The following SGCZ variants were observed in gnomAD, a reference collection of about 807,000 sequenced individuals.
SGCZ encodes the protein sarcoglycan zeta, also known as zeta-sarcoglycan.
Under a neutral mutation model 41.3 loss-of-function variants are expected in SGCZ, and 40 were observed. That is an observed-to-expected ratio of 0.97 (90% CI 0.75 to 1.26). The LOEUF (loss-of-function observed/expected upper bound fraction) is 1.26, where lower values mean the gene tolerates loss of function less well. Ranked by LOEUF, SGCZ falls within the 50% of genes most tolerant of loss-of-function variation. The probability of loss-of-function intolerance (pLI) is 0.00; values close to 1 mark genes in which losing one functional copy is unlikely to be tolerated. For missense variants in SGCZ, 552 were observed against 369.8 expected, an observed-to-expected ratio of 1.49 and a Z score of -4.04; for synonymous variants, 206 against 137.5, an observed-to-expected ratio of 1.50 and a Z score of -3.49.
At chr8:14,406,991 C>G (rs1195340178) in intron 2 of SGCZ, among the ~76,000 whole-genome samples, 1 of 151,572 alleles carries the variant, frequency 6.6e-6, no homozygotes, top group East Asian at 1.9e-4. Flanking sequence ...AGGACTAAGC[C>G]TTGATTTTGG....
At chr8:14,926,644 G>T (rs28555273) in intron 1 of SGCZ, among the ~76,000 whole-genome samples, 18,398 of 150,528 alleles carry the variant, frequency 0.12, 1,251 homozygotes, top group African/African-American at 0.19. Flanking sequence ...CGTGTGTGTG[G>T]TTTTTTTTTG....
At chr8:14,831,659 TAC>T (rs890532693) in intron 1 of SGCZ, among the ~76,000 whole-genome samples, 5 of 151,398 alleles carry the variant, frequency 3.3e-5, no homozygotes, top group African/African-American at 7.3e-5. Context: ...TATATATATA[TAC>T]ATACACTTGT....
chr8:14,847,961 A>T (rs1014920042), intron 1 of SGCZ, among the ~76,000 whole-genome samples: 1 of 152,116 alleles, frequency 6.6e-6, no homozygotes, highest in South Asian at 2.1e-4. Flanking sequence ...GTCATTATTC[A>T]TAGACAACAT....
At chr8:14,951,807 A>T (rs980235278) in intron 1 of SGCZ, among the ~76,000 whole-genome samples, 1 of 152,070 alleles carries the variant, frequency 6.6e-6, no homozygotes, top group African/African-American at 2.4e-5. Flanking sequence ...ATATTATTAA[A>T]CCCATAAATT....
At chr8:14,314,663 T>G (rs1801656658) in intron 3 of SGCZ, among the ~76,000 whole-genome samples, 1 of 152,160 alleles carries the variant, frequency 6.6e-6, no homozygotes, top group Non-Finnish European at 1.5e-5. Flanking sequence ...TTTCAGTGTT[T>G]TCATCAGTGG....
chr8:14,830,146 A>G (rs1802477608), intron 1 of SGCZ, among the ~76,000 whole-genome samples: 1 of 152,140 alleles, frequency 6.6e-6, no homozygotes, highest in South Asian at 2.1e-4. Flanking sequence ...GTTGAATTTC[A>G]GTTGTAAAAA....
intron 1 of SGCZ, among the ~76,000 whole-genome samples, chr8:14,643,868 G>A (rs1216378462): frequency 6.6e-6 from 1 of 151,566 alleles, no homozygotes; most frequent in East Asian, 1.9e-4. Context: ...AATAAATTAA[G>A]ATAAAGTTAT....
intron 1 of SGCZ, among the ~76,000 whole-genome samples, chr8:14,713,361 C>A (rs1250236312): frequency 6.6e-6 from 1 of 152,088 alleles, no homozygotes; most frequent in Admixed American, 6.6e-5. Context: ...ATCACTATTA[C>A]TATAATTTGT....
intron 4 of SGCZ, among the ~76,000 whole-genome samples, chr8:14,172,893 A>G (rs569093445): frequency 6.6e-6 from 1 of 152,226 alleles, no homozygotes; most frequent in South Asian, 2.1e-4. Context: ...ACAGGATGAT[A>G]CCATATGATA....
chr8:15,084,578 C>T (rs535506465), intron 1 of SGCZ, among the ~76,000 whole-genome samples: 2 of 152,166 alleles, frequency 1.3e-5, no homozygotes, highest in African/African-American at 2.4e-5. Context: ...ATGGTGAAAC[C>T]CTGTCTCCAC....
chr8:14,800,030 T>C (rs1313456664), intron 1 of SGCZ, among the ~76,000 whole-genome samples: 2 of 152,236 alleles, frequency 1.3e-5, no homozygotes, highest in Non-Finnish European at 1.5e-5. Flanking sequence ...AACCACTGTT[T>C]TGCACAGAGG....
intron 1 of SGCZ, among the ~76,000 whole-genome samples, chr8:14,669,520 T>C (rs1374739445): frequency 6.6e-6 from 1 of 152,172 alleles, no homozygotes; most frequent in African/African-American, 2.4e-5. Flanking sequence ...TTCTACTCTC[T>C]ATTTCTATGA....
intron 1 of SGCZ, among the ~76,000 whole-genome samples, chr8:14,685,510 C>T (rs1280258262): frequency 2.6e-5 from 4 of 152,024 alleles, no homozygotes; most frequent in African/African-American, 7.2e-5. Context: ...TTACAACATA[C>T]TTTGGTTAAT....
At chr8:14,764,584 A>G (rs919526324) in intron 1 of SGCZ, among the ~76,000 whole-genome samples, 1 of 152,160 alleles carries the variant, frequency 6.6e-6, no homozygotes, top group Non-Finnish European at 1.5e-5. Flanking sequence ...ATATTTTACA[A>G]GGTAATTGGT....
chr8:14,650,545 C>T (rs1807364123), intron 1 of SGCZ, among the ~76,000 whole-genome samples: 1 of 151,906 alleles, frequency 6.6e-6, no homozygotes, highest in African/African-American at 2.4e-5. Flanking sequence ...TCTGCTGTTT[C>T]CCTCTTTGTG....
Position 14,416,664 on chromosome 8 carries a change from A to G in SGCZ, c.235-92460T>C, listed in dbSNP as rs545593881. On this transcript the variant is annotated intron_variant, in intron 2 of 7. Transcript: ENST00000382080. ...ACCATCTCCTTACTTGGATTCAGAA[A>G]TAAAGTTCTGTGTTTTATGTTAGAA... Among the ~76,000 whole-genome samples, 9 of 152,044 alleles carry G rather than the reference A, an allele frequency of 5.9e-5. No individual in the cohort carries two copies. In the South Asian group the frequency reaches 1.4e-3, roughly 24 times the overall value.
At chr8:14,753,007 A>G (rs1200718596) in intron 1 of SGCZ, among the ~76,000 whole-genome samples, 1 of 151,856 alleles carries the variant, frequency 6.6e-6, no homozygotes, top group African/African-American at 2.4e-5. Context: ...TTTTCATTCT[A>G]TGGAAACTCT....
At chr8:14,126,689 G>A (rs1197713321) in intron 5 of SGCZ, among the ~76,000 whole-genome samples, 1 of 152,122 alleles carries the variant, frequency 6.6e-6, no homozygotes, top group African/African-American at 2.4e-5. Context: ...ACACACGTAT[G>A]TTTACTGCAA....
At chr8:14,948,066 C>T (rs1585403754) in intron 1 of SGCZ, among the ~76,000 whole-genome samples, 1 of 152,282 alleles carries the variant, frequency 6.6e-6, no homozygotes, top group East Asian at 1.9e-4. Flanking sequence ...GAAGCTTCCA[C>T]AGACCATAGG....
Sources: allele counts gnomAD v4.1 joint callset (sites outside exome capture counted in the v4.1 genomes callset), GRCh38; gene constraint gnomAD v4.1.1; transcripts MANE v1.5; gene names NCBI Gene and HGNC (gene_info 2026-07-23, HGNC 2026-07-21).